The following KDM2A variants were observed in gnomAD, a reference collection of about 807,000 sequenced individuals.
KDM2A encodes the protein lysine demethylase 2A, also known as lysine-specific demethylase 2A.
KDM2A carries 3 observed loss-of-function variants against 137.3 expected under a neutral mutation model. The observed-to-expected ratio is 0.02, with a 90% CI of 0.01 to 0.06. The LOEUF (loss-of-function observed/expected upper bound fraction) is 0.06. Ranked by LOEUF, KDM2A falls within the 10% of genes least tolerant of loss-of-function variation. KDM2A has a pLI of 1.00. For synonymous variants in KDM2A, 512 were observed against 541.5 expected, an observed-to-expected ratio of 0.95 and a Z score of 0.76; for missense variants, 738 against 1,510.6, an observed-to-expected ratio of 0.49 and a Z score of 8.48.
At chr11:67,202,244 A>G (rs974235053) in intron 5 of KDM2A, among the ~76,000 whole-genome samples, 16 of 152,330 alleles carry the variant, frequency 1.1e-4, no homozygotes, top group African/African-American at 3.4e-4. Context: ...TGTTTTTTTA[A>G]GATGGAATCT....
chr11:67,240,760 G>A (rs1391862355), intron 12 of KDM2A, among the ~76,000 whole-genome samples: 1 of 152,110 alleles, frequency 6.6e-6, no homozygotes, highest in Non-Finnish European at 1.5e-5. Flanking sequence ...TTCTTTATAT[G>A]GTTTCTTGTA....
chr11:67,191,521 G>C, intron 5 of KDM2A, among the ~76,000 whole-genome samples: 1 of 152,068 alleles, frequency 6.6e-6, no homozygotes, highest in Non-Finnish European at 1.5e-5. Flanking sequence ...ATTTATTCCT[G>C]GAATAGATGA....
rs558935446 is a variant in KDM2A, at chr11:67,225,192, C to T, written c.958-2845C>T. On this transcript the variant is annotated intron_variant, in intron 10 of 20. Coordinates refer to ENST00000529006, the MANE Select transcript of KDM2A (RefSeq NM_012308.3). ...TCTCGCTTTTATTATTTTCACATCACTCTAGTATACTGACTTTGAAAACAA... is the reference window on the plus strand; with the variant it reads ...TCTCGCTTTTATTATTTTCACATCATTCTAGTATACTGACTTTGAAAACAA... Among the ~76,000 whole-genome samples, 22 of 152,290 alleles carry T rather than the reference C, an allele frequency of 1.4e-4. No individual in the cohort carries two copies. The South Asian group carries it at 4.6e-3, about 32-fold the overall frequency.
At chr11:67,157,338 ACAC>A (rs1302523763) in intron 2 of KDM2A, among the ~76,000 whole-genome samples, 5 of 151,094 alleles carry the variant, frequency 3.3e-5, no homozygotes, top group African/African-American at 4.9e-5. Flanking sequence ...AAAACAAAAA[ACAC>A]CACACAGTTG....
chr11:67,255,290 A>C lies in KDM2A; in HGVS notation c.*235A>C, dbSNP rs1255928878. 10 of 557,744 alleles carry C rather than the reference A, an allele frequency of 1.8e-5. No homozygotes were observed. Among genetic ancestry groups the C allele is most frequent in the African/African-American group, 3.8e-5 (2 of 52,936 alleles). The allele number at this position is 557,744 out of a possible 1,614,324, so 34.5% of individuals were successfully genotyped here. The stretch of plus-strand genomic sequence containing the variant: ...GAGTAGCAGATTGATCTGAGGGGAA[A>C]GCACAGGCTGTGCTGTCGAGGCGCC... On this transcript the variant is annotated 3_prime_UTR_variant, in exon 21 of 21. Transcript: ENST00000529006.
At chr11:67,247,061 ATATATATATATTTTTT>A (rs1859254292) in intron 15 of KDM2A, among the ~76,000 whole-genome samples, 2 of 24,484 alleles carry the variant, frequency 8.2e-5, no homozygotes, top group South Asian at 1.5e-3. Flanking sequence ...ATATATATAT[ATATATATATATTTTTT>A]TTTTTTTTTT....
In KDM2A at chr11:67,254,766, AAG is replaced by A; in HGVS notation, c.3308-105_3308-104del. On this transcript the variant is annotated intron_variant, in intron 20 of 20. Transcript: ENST00000529006. This position sits in a 1 kb window ranked among gnomAD's most constrained non-coding sequence, Gnocchi z 4.7. ...CTCTGAGCCAGGTAGTTGTGGGACAAAGAGGGCTTTTGTTTAGCATTTTGAAG... is the reference window on the plus strand; with the variant it reads ...CTCTGAGCCAGGTAGTTGTGGGACAAAGGGCTTTTGTTTAGCATTTTGAAG... The A allele has an allele frequency of 9.5e-7, 1 of 1,050,222 alleles. No homozygotes were observed. The highest frequency in any genetic ancestry group is 1.4e-6 in the Non-Finnish European group (1 of 717,548). The allele number at this position is 1,050,222 out of a possible 1,614,324, so 65.1% of individuals were successfully genotyped here. A position where few individuals can be genotyped will look rare whatever the true frequency, so the allele number is the denominator to read the frequency against.
At chr11:67,165,842 G>T (rs987705627) in intron 2 of KDM2A, among the ~76,000 whole-genome samples, 1 of 152,068 alleles carries the variant, frequency 6.6e-6, no homozygotes, top group Non-Finnish European at 1.5e-5. Context: ...AAAAAGAAAG[G>T]TCACTCTTAC....
At chr11:67,121,388 C>T in intron 2 of KDM2A, 30 bp downstream of exon 2, 1 of 1,603,664 alleles carries the variant, frequency 6.2e-7, no homozygotes, top group Non-Finnish European at 8.5e-7. Flanking sequence ...ACCACACCCT[C>T]CAGTTTTAAA....
At position 67,128,277 on chromosome 11, in the gene KDM2A, C is replaced by T. The variant is rs571450875; in HGVS notation, c.42+6919C>T. Among the ~76,000 whole-genome samples the T allele has an allele frequency of 4.6e-5, 7 of 152,152 alleles. No homozygotes were observed. In the South Asian group the frequency reaches 1.5e-3, roughly 32 times the overall value. On this transcript the variant is annotated intron_variant, in intron 2 of 20. Transcript: ENST00000529006. ...CTGCCTGGAGGCCTCTCCAGCCTCC[C>T]CAGCTCCTGGGATTATAAGTGTGAG...
At chr11:67,239,604 C>T (rs1050349321) in intron 12 of KDM2A, among the ~76,000 whole-genome samples, 3 of 152,218 alleles carry the variant, frequency 2.0e-5, no homozygotes, top group East Asian at 1.9e-4. Flanking sequence ...TCCAGAGAGG[C>T]GGAACTTTGG....
chr11:67,153,425 G>T (rs1413448770), intron 2 of KDM2A, among the ~76,000 whole-genome samples: 1 of 152,112 alleles, frequency 6.6e-6, no homozygotes, highest in South Asian at 2.1e-4. Flanking sequence ...GGGAAATTTG[G>T]TTTAATGTGT....
chr11:67,233,416 G>C (rs1858775616), intron 12 of KDM2A, among the ~76,000 whole-genome samples: 1 of 141,248 alleles, frequency 7.1e-6, no homozygotes, highest in African/African-American at 2.7e-5. Context: ...CACTTTGGGA[G>C]GCCGAGGCAG....
intron 2 of KDM2A, among the ~76,000 whole-genome samples, chr11:67,178,660 G>A (rs560179282): frequency 6.6e-6 from 1 of 152,054 alleles, no homozygotes; most frequent in East Asian, 1.9e-4. Context: ...TTTATGACTG[G>A]CTTTTTTTTT....
chr11:67,166,260 C>T (rs1856741664), intron 2 of KDM2A, among the ~76,000 whole-genome samples: 1 of 149,756 alleles, frequency 6.7e-6, no homozygotes, highest in Admixed American at 6.7e-5. Context: ...TCTCGGCTCA[C>T]TGTAATCTCT....
chr11:67,168,655 A>G (rs944156065), intron 2 of KDM2A, among the ~76,000 whole-genome samples: 8 of 145,506 alleles, frequency 5.5e-5, no homozygotes. Context: ...ACACACACAC[A>G]CACACACACG....
intron 5 of KDM2A, among the ~76,000 whole-genome samples, chr11:67,197,460 G>A (rs1670311083): frequency 6.6e-6 from 1 of 152,232 alleles, no homozygotes; most frequent in African/African-American, 2.4e-5. Context: ...TTACAGGCGT[G>A]AGCCACTCTG....
In KDM2A at chr11:67,247,074, T is replaced by A. The variant is rs868476832; in HGVS notation, c.1965+958T>A. ...ATATATATATATATATATATATATT[T>A]TTTTTTTTTTTTTTTTTTTTTTTTT... On this transcript the variant is annotated intron_variant, in intron 15 of 20. Coordinates refer to ENST00000529006, the MANE Select transcript of KDM2A (RefSeq NM_012308.3). 7.8e-3 allele frequency among the ~76,000 whole-genome samples: 445 copies of A among 56,776 alleles called. 1 individual carries two copies. Among genetic ancestry groups the A allele is most frequent in the African/African-American group, 0.016 (178 of 10,982 alleles). 37.2% of individuals were successfully genotyped at this position (56,776 alleles called of 152,430 possible).
intron 12 of KDM2A, among the ~76,000 whole-genome samples, chr11:67,234,268 C>G (rs149350681): frequency 1.7e-4 from 26 of 152,320 alleles, no homozygotes; most frequent in African/African-American, 6.3e-4. Context: ...TGGGGACTTT[C>G]AAGTGCTAGA....
Sources: gnomAD v4.1 joint callset for allele counts (sites outside exome capture counted in the v4.1 genomes callset) on GRCh38, gnomAD v4.1.1 for gene constraint, Gnocchi (gnomAD v3.1) non-coding constraint, MANE v1.5 for transcripts, NCBI Gene and HGNC (gene_info 2026-07-23, HGNC 2026-07-21) for gene names.